Variants in SLC24A3 observed in about 807,000 individuals in gnomAD.
SLC24A3 encodes the protein sodium/potassium/calcium exchanger 3.
A neutral mutation model predicts 75.8 loss-of-function variants in SLC24A3; 28 were observed. The ratio of observed to expected loss-of-function variants is 0.37; its 90% CI spans 0.27 to 0.51. The LOEUF (loss-of-function observed/expected upper bound fraction) is 0.51. Ranked by LOEUF, SLC24A3 falls within the 20% of genes least tolerant of loss-of-function variation. The probability of loss-of-function intolerance (pLI) is 0.94; values close to 1 mark genes in which losing one functional copy is unlikely to be tolerated. For synonymous variants in SLC24A3, 372 were observed against 334.1 expected (o/e 1.11, Z -1.24); for missense variants, 663 against 847.8 (o/e 0.78, Z 2.71).
At chr20:19,634,438 C>T (rs2031975047) in intron 6 of SLC24A3, among the ~76,000 whole-genome samples, 2 of 152,100 alleles carry the variant, frequency 1.3e-5, no homozygotes, top group African/African-American at 4.8e-5. Context: ...CCAAAGCACT[C>T]CTACAGTGTT....
At chr20:19,687,942 C>G (rs1249138963) in intron 12 of SLC24A3, among the ~76,000 whole-genome samples, 1 of 152,114 alleles carries the variant, frequency 6.6e-6, no homozygotes, top group Non-Finnish European at 1.5e-5. Flanking sequence ...GCATCTCACC[C>G]CCAACAGATG....
intron 1 of SLC24A3, among the ~76,000 whole-genome samples, chr20:19,269,493 G>A (rs1031718940): frequency 1.3e-5 from 2 of 152,218 alleles, no homozygotes; most frequent in Non-Finnish European, 2.9e-5. Flanking sequence ...TGTCTGAAAG[G>A]CGATTTCAAT....
At chr20:19,395,278 T>C (rs746089826) in intron 2 of SLC24A3, among the ~76,000 whole-genome samples, 59 of 152,214 alleles carry the variant, frequency 3.9e-4, no homozygotes, top group Non-Finnish European at 6.6e-4. Flanking sequence ...AAAATGTGCG[T>C]ATACTTAACA....
At chr20:19,666,272 C>T (rs1290385508) in intron 8 of SLC24A3, among the ~76,000 whole-genome samples, 4 of 151,954 alleles carry the variant, frequency 2.6e-5, no homozygotes, top group African/African-American at 7.3e-5. Flanking sequence ...TTTGAGAGGC[C>T]GAGGCGGGTG....
chr20:19,608,650 T>C (rs1217179622), intron 6 of SLC24A3, among the ~76,000 whole-genome samples: 1 of 152,244 alleles, frequency 6.6e-6, no homozygotes, highest in Non-Finnish European at 1.5e-5. Context: ...ATAATATGTT[T>C]TTTAAGTTGT....
At chr20:19,493,502 A>G (rs1353076923) in intron 2 of SLC24A3, among the ~76,000 whole-genome samples, 1 of 152,232 alleles carries the variant, frequency 6.6e-6, no homozygotes, top group Admixed American at 6.5e-5. Flanking sequence ...TGTACTATAT[A>G]ATAATCATAT....
chr20:19,346,274 G>GTA (rs374637972), intron 2 of SLC24A3, among the ~76,000 whole-genome samples: 1,429 of 67,740 alleles, frequency 0.021, 138 homozygotes, highest in African/African-American at 0.11. Flanking sequence ...TATATATGGT[G>GTA]TATATATATA....
intron 2 of SLC24A3, among the ~76,000 whole-genome samples, chr20:19,285,372 G>C (rs1046792745): frequency 2.0e-5 from 3 of 151,296 alleles, no homozygotes; most frequent in Admixed American, 6.6e-5. Context: ...CAGCTACTTG[G>C]GGGGCTGAGG....
At chr20:19,657,177 T>A (rs1181776223) in intron 7 of SLC24A3, among the ~76,000 whole-genome samples, 2 of 152,110 alleles carry the variant, frequency 1.3e-5, no homozygotes, top group African/African-American at 4.8e-5. Flanking sequence ...AAGGCTAGAG[T>A]TTTGTGATTT....
chr20:19,299,805 A>G lies in SLC24A3; in HGVS notation c.271+18718A>G, dbSNP rs940572711. 2.0e-5 allele frequency among the ~76,000 whole-genome samples: 3 copies of G among 152,210 alleles called. No individual in the cohort carries two copies. In the South Asian group the frequency reaches 6.2e-4, roughly 32 times the overall value. ...GCTTTCCTGGCTTCAGAGTCAAAAGAAAATGGAACTATATCCACAGGCAAC... is the reference window on the plus strand; with the variant it reads ...GCTTTCCTGGCTTCAGAGTCAAAAGGAAATGGAACTATATCCACAGGCAAC... On this transcript the variant is annotated intron_variant, in intron 2 of 16. Coordinates refer to ENST00000328041, the MANE Select transcript of SLC24A3 (RefSeq NM_020689.4).
intron 2 of SLC24A3, among the ~76,000 whole-genome samples, chr20:19,469,099 G>T (rs1218212274): frequency 6.6e-6 from 1 of 152,126 alleles, no homozygotes; most frequent in Non-Finnish European, 1.5e-5. Flanking sequence ...TAGGAAAAAT[G>T]AGGTCACGGC....
intron 1 of SLC24A3, among the ~76,000 whole-genome samples, chr20:19,253,210 TG>T (rs764429666): frequency 3.3e-5 from 5 of 152,152 alleles, no homozygotes; most frequent in Non-Finnish European, 5.9e-5. Flanking sequence ...AGGGGTTTGT[TG>T]GGATGTCCCA....
At chr20:19,561,791 C>T (rs1215896525) in intron 3 of SLC24A3, among the ~76,000 whole-genome samples, 1 of 152,174 alleles carries the variant, frequency 6.6e-6, no homozygotes, top group Non-Finnish European at 1.5e-5. Flanking sequence ...CCATTTTACA[C>T]ACAAAGGAAA....
chr20:19,697,864 G>C (rs188450910), intron 14 of SLC24A3, among the ~76,000 whole-genome samples: 9 of 152,102 alleles, frequency 5.9e-5, no homozygotes, highest in Non-Finnish European at 1.2e-4. Context: ...TTTCCATAAG[G>C]GTGTCTCAGA....
chr20:19,475,114 G>A (rs1273327222), intron 2 of SLC24A3, among the ~76,000 whole-genome samples: 2 of 152,142 alleles, frequency 1.3e-5, no homozygotes, highest in Non-Finnish European at 2.9e-5. Flanking sequence ...CGAGGTGGGA[G>A]GATCACAAGG....
At chr20:19,548,817 C>T (rs1294743168) in intron 3 of SLC24A3, among the ~76,000 whole-genome samples, 2 of 152,176 alleles carry the variant, frequency 1.3e-5, no homozygotes, top group Non-Finnish European at 2.9e-5. Flanking sequence ...TGAATAACAC[C>T]AAGGTGTGCA....
intron 3 of SLC24A3, among the ~76,000 whole-genome samples, chr20:19,577,705 ATT>A (rs1174754301): frequency 6.6e-6 from 1 of 152,236 alleles, no homozygotes; most frequent in East Asian, 1.9e-4. Flanking sequence ...TACATAGATT[ATT>A]TAATAAAAAA....
intron 2 of SLC24A3, among the ~76,000 whole-genome samples, chr20:19,338,681 T>A (rs1186621736): frequency 1.3e-5 from 2 of 152,230 alleles, no homozygotes; most frequent in Non-Finnish European, 2.9e-5. Flanking sequence ...CTCCTTTACA[T>A]GCAGATGTGA....
chr20:19,495,630 A>C (rs1988273784), intron 2 of SLC24A3, among the ~76,000 whole-genome samples: 1 of 152,102 alleles, frequency 6.6e-6, no homozygotes, highest in Non-Finnish European at 1.5e-5. Flanking sequence ...TGTGGTCCAT[A>C]CCTTTTGGGT....
Sources: gnomAD v4.1 joint callset for allele counts (sites outside exome capture counted in the v4.1 genomes callset) on GRCh38, gnomAD v4.1.1 for gene constraint, MANE v1.5 for transcripts, NCBI Gene and HGNC (gene_info 2026-07-23, HGNC 2026-07-21) for gene names.